RERE: variants seen among roughly 807,000 people sequenced by gnomAD.
RERE encodes arginine-glutamic acid dipeptide repeats protein.
In RERE, 40 loss-of-function variants were observed where a neutral mutation model predicts 146.1. That is an observed-to-expected ratio of 0.27 (90% confidence interval 0.21 to 0.36). RERE has a LOEUF of 0.36. Ranked by LOEUF, RERE falls within the 10% of genes least tolerant of loss-of-function variation. The pLI is 1.00. For synonymous variants in RERE, 1,003 were observed against 866.0 expected (o/e 1.16, Z -2.78); for missense variants, 1,933 against 2,138.7 (o/e 0.90, Z 1.90).
intron 1 of RERE, among the ~76,000 whole-genome samples, chr1:8,696,635 C>T (rs905285906): frequency 6.6e-6 from 1 of 151,078 alleles, no homozygotes; most frequent in Non-Finnish European, 1.5e-5. Flanking sequence ...CAAGGCTGGG[C>T]GCGGTGGTTC....
chr1:8,555,387 C>T (rs921385488), intron 6 of RERE, among the ~76,000 whole-genome samples: 1 of 152,172 alleles, frequency 6.6e-6, no homozygotes, highest in Non-Finnish European at 1.5e-5. Context: ...CCATGTGAAA[C>T]ATCAGCTGAC....
Position 8,537,525 on chromosome 1 carries a change from A to G in RERE, c.830+3689T>C, listed in dbSNP as rs141349018. Among the ~76,000 whole-genome samples the G allele has an allele frequency of 4.5e-4, 68 of 152,340 alleles. 1 individual carries two copies. The highest frequency in any genetic ancestry group is 1.6e-3 in the African/African-American group (66 of 41,576). ...ACATTTTGGCACCAACCTTGGCATAAAATTTGTTAGATCTTCAGAACTTTC... is the reference window on the plus strand; with the variant it reads ...ACATTTTGGCACCAACCTTGGCATAGAATTTGTTAGATCTTCAGAACTTTC... On this transcript the variant is annotated intron_variant, in intron 7 of 22. Transcript: ENST00000400908.
At chr1:8,369,508 T>TAAAAAAAAAAAAAAAAA (rs1186718390) in intron 12 of RERE, among the ~76,000 whole-genome samples, 30 of 76,898 alleles carry the variant, frequency 3.9e-4, no homozygotes, top group African/African-American at 1.1e-3. Context: ...CGCCTTTTAC[T>TAAAAAAAAAAAAAAAAA]AAAAAAAAAA....
intron 7 of RERE, among the ~76,000 whole-genome samples, chr1:8,522,286 C>T (rs1279580906): frequency 6.6e-6 from 1 of 152,226 alleles, no homozygotes; most frequent in African/African-American, 2.4e-5. Flanking sequence ...CCTTCTCTCT[C>T]ATCCTGTCAG....
Position 8,656,185 on chromosome 1 carries a change from C to T in RERE, c.113G>A (p.Arg38His). Reference sequence around the variant, plus strand: ...TCCTCCTTCCAAGGTACAGCTCCGGCGTGGCCTTGAATTCTCACTCTCTCT... The same window carrying T: ...TCCTCCTTCCAAGGTACAGCTCCGGTGTGGCCTTGAATTCTCACTCTCTCT... ...KARESENSRP[R>H]RSCTLEGGAK... The change falls in exon 2 of 23, where the codon CGC becomes CAC. Residue 38 changes from arginine (R) to histidine (H), a missense_variant. This residue lies in a region of RERE where 107 missense variants were observed against 119.7 expected (regional missense o/e 0.89). Coordinates refer to ENST00000400908, the MANE Select transcript of RERE (RefSeq NM_001042681.2). The T allele has an allele frequency of 1.2e-6, 2 of 1,613,826 alleles. No individual in the cohort carries two copies. Among genetic ancestry groups the T allele is most frequent in the Non-Finnish European group, 1.7e-6 (2 of 1,179,726 alleles).
chr1:8,484,184 TA>T, intron 10 of RERE, among the ~76,000 whole-genome samples: 1 of 152,146 alleles, frequency 6.6e-6, no homozygotes, highest in Non-Finnish European at 1.5e-5. Context: ...AATAGCCAAA[TA>T]AATGTAAGCA....
intron 11 of RERE, among the ~76,000 whole-genome samples, chr1:8,450,494 G>A (rs908465191): frequency 1.3e-5 from 2 of 151,882 alleles, no homozygotes; most frequent in Admixed American, 1.3e-4. Flanking sequence ...CAGACTAGAC[G>A]TCCTTCTGAC....
chr1:8,495,472 C>T (rs552459199), intron 9 of RERE, among the ~76,000 whole-genome samples: 5 of 152,156 alleles, frequency 3.3e-5, no homozygotes, highest in Non-Finnish European at 7.3e-5. Context: ...ACCCCATGCC[C>T]AGCTAATTTC....
At chr1:8,747,452 A>G (rs1036407295) in intron 1 of RERE, among the ~76,000 whole-genome samples, 14 of 152,114 alleles carry the variant, frequency 9.2e-5, no homozygotes, top group Admixed American at 4.6e-4. Flanking sequence ...AGGCTCAAAG[A>G]AAGTTTTGTC....
At chr1:8,587,662 C>T (rs1186986088) in intron 4 of RERE, among the ~76,000 whole-genome samples, 2 of 152,174 alleles carry the variant, frequency 1.3e-5, no homozygotes, top group Non-Finnish European at 2.9e-5. Flanking sequence ...CCCCAGTGAC[C>T]AACAAATAAA....
intron 1 of RERE, among the ~76,000 whole-genome samples, chr1:8,802,079 A>G (rs1053950818): frequency 6.6e-6 from 1 of 152,232 alleles, no homozygotes; most frequent in African/African-American, 2.4e-5. Flanking sequence ...CAATGAGTAT[A>G]TATTAATTTT....
intron 7 of RERE, among the ~76,000 whole-genome samples, chr1:8,522,145 T>C (rs1645510000): frequency 6.6e-6 from 1 of 152,362 alleles, no homozygotes; most frequent in African/African-American, 2.4e-5. Flanking sequence ...TCACCCACAG[T>C]TGCAGGAATA....
intron 1 of RERE, among the ~76,000 whole-genome samples, chr1:8,789,301 A>AAAAAAAAAAAAATATATATAT: frequency 8.1e-5 from 2 of 24,798 alleles, no homozygotes; most frequent in Non-Finnish European, 1.3e-4. Context: ...AAAAAAAAAA[A>AAAAAAAAAAAAATATATATAT]ATATATATAT....
intron 1 of RERE, among the ~76,000 whole-genome samples, chr1:8,769,675 G>A (rs1380437779): frequency 6.6e-6 from 1 of 151,918 alleles, no homozygotes; most frequent in East Asian, 1.9e-4. Flanking sequence ...GTAGAGATGG[G>A]GTCTCTGCCC....
At chr1:8,654,670 G>A (rs922553141) in intron 2 of RERE, among the ~76,000 whole-genome samples, 3 of 146,492 alleles carry the variant, frequency 2.0e-5, no homozygotes, top group African/African-American at 7.7e-5. Flanking sequence ...GTCTTGCTCT[G>A]TTGCCCAGGC....
intron 1 of RERE, among the ~76,000 whole-genome samples, chr1:8,687,333 G>A (rs1446014091): frequency 6.6e-6 from 1 of 152,212 alleles, no homozygotes; most frequent in East Asian, 1.9e-4. Context: ...GTCTGCAGAA[G>A]GGCTCTTAAG....
chr1:8,599,411 T>A (rs1403504815), intron 4 of RERE, among the ~76,000 whole-genome samples: 1 of 152,178 alleles, frequency 6.6e-6, no homozygotes, highest in Non-Finnish European at 1.5e-5. Flanking sequence ...ATATTTGATG[T>A]TTTTTGCTAA....
chr1:8,561,843 T>C (rs1451460177), intron 4 of RERE, among the ~76,000 whole-genome samples: 2 of 152,242 alleles, frequency 1.3e-5, no homozygotes, highest in Non-Finnish European at 2.9e-5. Context: ...ATGTAATTCC[T>C]ACTACTCACT....
intron 1 of RERE, among the ~76,000 whole-genome samples, chr1:8,766,873 C>A (rs1320238081): frequency 6.6e-6 from 1 of 152,070 alleles, no homozygotes; most frequent in Non-Finnish European, 1.5e-5. Context: ...TTGTTGGAAG[C>A]TTTCTTGGGC....
Sources: allele counts gnomAD v4.1 joint callset (sites outside exome capture counted in the v4.1 genomes callset), GRCh38; gene constraint gnomAD v4.1.1; regional missense constraint gnomAD v4.1.1; transcripts MANE v1.5; gene names NCBI Gene and HGNC (gene_info 2026-07-23, HGNC 2026-07-21).